The following FUT8 variants were observed in gnomAD, a reference collection of about 807,000 sequenced individuals.
The protein encoded by FUT8 is alpha-(1,6)-fucosyltransferase.
In FUT8, 29 loss-of-function variants were observed where a neutral mutation model predicts 71.3. The ratio of observed to expected loss-of-function variants is 0.41; its 90% CI spans 0.30 to 0.55. FUT8 has a LOEUF of 0.55. Among genes scored for constraint, FUT8 ranks in the 20% least tolerant of loss-of-function variants. FUT8 has a pLI of 0.34. For synonymous variants in FUT8, 254 were observed against 239.3 expected (o/e 1.06, Z -0.57); for missense variants, 544 against 702.1 (o/e 0.77, Z 2.55).
chr14:65,377,146 A>G, the FUT8 span, among the ~76,000 whole-genome samples: 1 of 152,216 alleles, frequency 6.6e-6, no homozygotes, highest in Non-Finnish European at 1.5e-5. Flanking sequence ...CAGTTTTATC[A>G]GAGCATAGAG....
chr14:65,621,818 C>G (rs1250538540), intron 5 of FUT8, among the ~76,000 whole-genome samples: 1 of 152,068 alleles, frequency 6.6e-6, no homozygotes, highest in East Asian at 1.9e-4. Flanking sequence ...ACCTTGGCCT[C>G]CCAAAGTTGT....
At chr14:65,540,705 A>T (rs77113027) in intron 2 of FUT8, among the ~76,000 whole-genome samples, 1 of 152,266 alleles carries the variant, frequency 6.6e-6, no homozygotes, top group African/African-American at 2.4e-5. Context: ...AGAAGTGTAA[A>T]TAATGAAACA....
At chr14:65,387,730 G>T in the FUT8 span, among the ~76,000 whole-genome samples, 1 of 152,172 alleles carries the variant, frequency 6.6e-6, no homozygotes, top group Non-Finnish European at 1.5e-5. Context: ...GCAATTATAG[G>T]TTCACCTGAT....
intron 2 of FUT8, chr14:65,488,207 A>G (rs2066436423): frequency 6.6e-6 from 1 of 152,214 alleles, no homozygotes; most frequent in Non-Finnish European, 1.5e-5. Context: ...CAAAGTAGAC[A>G]TATGGCTGAA....
chr14:65,549,785 C>T (rs985098190), intron 2 of FUT8, among the ~76,000 whole-genome samples: 1 of 152,086 alleles, frequency 6.6e-6, no homozygotes, highest in Admixed American at 6.5e-5. Context: ...GACAATAAGT[C>T]CTATCAACAG....
Position 65,510,911 on chromosome 14 carries a change from G to T in FUT8, c.-227-50426G>T, listed in dbSNP as rs143541848. On this transcript the variant is annotated intron_variant, in intron 2 of 10. Transcript: ENST00000673929. ...CTTTATTTCAATTTCCTGTATTTCTGCTCTCATCTTTATTATTTATTTTCT... is the reference window on the plus strand; with the variant it reads ...CTTTATTTCAATTTCCTGTATTTCTTCTCTCATCTTTATTATTTATTTTCT... Among the ~76,000 whole-genome samples the T allele has an allele frequency of 5.2e-3, 787 of 151,750 alleles. 17 individuals carry two copies. The highest frequency in any genetic ancestry group is 0.048 in the Admixed American group (729 of 15,248).
At chr14:65,617,111 C>T in intron 5 of FUT8, 1 of 1,597,160 alleles carries the variant, frequency 6.3e-7, no homozygotes, top group Non-Finnish European at 8.5e-7. Context: ...CAATTACTGT[C>T]TCATTAGTGA....
At chr14:65,617,136 A>T in intron 5 of FUT8, 1 of 1,595,858 alleles carries the variant, frequency 6.3e-7, no homozygotes, top group Admixed American at 1.8e-5. Context: ...TAAAAGAAAA[A>T]TTGTTGTATT....
At chr14:65,485,723 A>T (rs1221206264) in intron 2 of FUT8, among the ~76,000 whole-genome samples, 1 of 152,124 alleles carries the variant, frequency 6.6e-6, no homozygotes, top group Non-Finnish European at 1.5e-5. Context: ...CCACCCTGCT[A>T]CTTTCCCGGG....
At chr14:65,636,496 C>A (rs1890564763) in intron 6 of FUT8, 2 of 152,130 alleles carry the variant, frequency 1.3e-5, no homozygotes, top group African/African-American at 4.8e-5. Flanking sequence ...ATGAACTTTC[C>A]TCTTAGCACC....
intron 5 of FUT8, among the ~76,000 whole-genome samples, chr14:65,624,644 A>T (rs558715248): frequency 2.6e-5 from 4 of 152,364 alleles, no homozygotes; most frequent in African/African-American, 9.6e-5. Flanking sequence ...GCATTCGTGC[A>T]CCCATGTGCA....
In FUT8 at chr14:65,722,782, G is replaced by A. The variant is rs970018543; in HGVS notation, c.1082+761G>A. On this transcript the variant is annotated intron_variant, in intron 8 of 10. Coordinates refer to ENST00000673929, the MANE Select transcript of FUT8 (RefSeq NM_001371533.1). ...CCACATCTGGGTTATAGTCTGGAAT[G>A]CAAAGCAAAGAATAGCCGTGAAGAT... Among the ~76,000 whole-genome samples, 5 of 152,272 alleles carry A rather than the reference G, an allele frequency of 3.3e-5. No homozygotes were observed. The South Asian group carries it at 1.0e-3, about 32-fold the overall frequency.
At chr14:65,725,123 T>G (rs1895614688) in intron 9 of FUT8, among the ~76,000 whole-genome samples, 1 of 152,210 alleles carries the variant, frequency 6.6e-6, no homozygotes, top group Non-Finnish European at 1.5e-5. Context: ...TATAATAATT[T>G]GTGGAATTTG....
At chr14:65,503,812 A>C (rs905243283) in intron 2 of FUT8, among the ~76,000 whole-genome samples, 1 of 152,222 alleles carries the variant, frequency 6.6e-6, no homozygotes, top group African/African-American at 2.4e-5. Context: ...TGAGAGAGTT[A>C]AAATGGAAGT....
At chr14:65,403,016 A>G in the FUT8 span, among the ~76,000 whole-genome samples, 1 of 152,184 alleles carries the variant, frequency 6.6e-6, no homozygotes, top group Non-Finnish European at 1.5e-5. Flanking sequence ...GGTCTAGGAA[A>G]TCTTGTCAAT....
chr14:65,742,480 C>T lies in FUT8; in HGVS notation c.*70C>T, dbSNP rs1896554608. ...CTCAGTTCAAACCATTTCAGCCAAACTGTAGATGAAGAGGGCTCTGATCTA... is the reference window on the plus strand; with the variant it reads ...CTCAGTTCAAACCATTTCAGCCAAATTGTAGATGAAGAGGGCTCTGATCTA... On this transcript the variant is annotated 3_prime_UTR_variant, in exon 11 of 11. Transcript: ENST00000673929. 3 of 1,317,484 alleles carry T rather than the reference C, an allele frequency of 2.3e-6. No individual in the cohort carries two copies. The South Asian group carries it at 4.2e-5, about 18-fold the overall frequency. 81.6% of individuals were successfully genotyped at this position (1,317,484 alleles called of 1,614,324 possible). A position where few individuals can be genotyped will look rare whatever the true frequency, so the allele number is the denominator to read the frequency against.
intron 6 of FUT8, chr14:65,636,637 A>G (rs1347194470): frequency 2.0e-5 from 3 of 152,114 alleles, no homozygotes; most frequent in Non-Finnish European, 4.4e-5. Flanking sequence ...TTTAATTTCC[A>G]TGTGTTTGCA....
chr14:65,598,570 A>T (rs1178836574), intron 3 of FUT8, among the ~76,000 whole-genome samples: 1 of 152,104 alleles, frequency 6.6e-6, no homozygotes, highest in Non-Finnish European at 1.5e-5. Flanking sequence ...GGCTCTATTT[A>T]CTATGTATAC....
rs1301775057 is a variant in FUT8, at chr14:65,561,603, A to G, written c.40A>G (p.Ile14Val). ...TGGTTCCTGGCGTTGGATTATGCTCATTCTTTTTGCCTGGGGGACCTTGCT... is the reference window on the plus strand; with the variant it reads ...TGGTTCCTGGCGTTGGATTATGCTCGTTCTTTTTGCCTGGGGGACCTTGCT... ...WTGSWRWIML[I>V]LFAWGTLLFY... The change falls in exon 3 of 11, where the codon ATT (isoleucine) becomes GTT (valine). Residue 14 changes from isoleucine (I) to valine (V), a missense_variant. Physicochemically the swap from Ile to Val is conservative, Grantham distance 29 (BLOSUM62 3). Coordinates refer to ENST00000673929, the MANE Select transcript of FUT8 (RefSeq NM_001371533.1). 16 of 1,613,556 alleles carry G rather than the reference A, an allele frequency of 9.9e-6. No homozygotes were observed. The highest frequency in any genetic ancestry group is 1.4e-5 in the Non-Finnish European group (16 of 1,179,574).
Sources: allele counts gnomAD v4.1 joint callset (sites outside exome capture counted in the v4.1 genomes callset), GRCh38; gene constraint gnomAD v4.1.1; transcripts MANE v1.5; gene names NCBI Gene and HGNC (gene_info 2026-07-23, HGNC 2026-07-21).